The following CYB5A variants were observed in gnomAD, a reference collection of about 807,000 sequenced individuals.
CYB5A encodes cytochrome b5 type A, also known as cytochrome b5.
CYB5A carries 10 observed loss-of-function variants against 16.2 expected under a neutral mutation model. The observed-to-expected ratio is 0.62, with a 90% confidence interval of 0.38 to 1.04. The LOEUF (loss-of-function observed/expected upper bound fraction) is 1.04. CYB5A is among the 50% of genes least tolerant of loss of function. The probability of loss-of-function intolerance (pLI) is 0.01; values close to 1 mark genes in which losing one functional copy is unlikely to be tolerated. For synonymous variants in CYB5A, 62 were observed against 57.0 expected, an observed-to-expected ratio of 1.09 and a Z score of -0.40; for missense variants, 161 against 165.9, an observed-to-expected ratio of 0.97 and a Z score of 0.16.
chr18:74,270,014 C>G (rs1982609494), intron 1 of CYB5A, among the ~76,000 whole-genome samples: 1 of 152,110 alleles, frequency 6.6e-6, no homozygotes, highest in Non-Finnish European at 1.5e-5. Context: ...CTAACAGTAA[C>G]ACGTTCCCAC....
chr18:74,255,290 C>T (rs116708161), intron 4 of CYB5A, among the ~76,000 whole-genome samples: 1 of 152,086 alleles, frequency 6.6e-6, no homozygotes, highest in African/African-American at 2.4e-5. Context: ...ACAATTGAGT[C>T]GTGCTACACA....
intron 1 of CYB5A, among the ~76,000 whole-genome samples, chr18:74,288,580 A>G (rs1455359784): frequency 1.3e-5 from 2 of 152,252 alleles, no homozygotes; most frequent in East Asian, 3.8e-4. Flanking sequence ...AGACAGAGAC[A>G]TTCTGCACTC....
intron 1 of CYB5A, among the ~76,000 whole-genome samples, chr18:74,267,666 T>A (rs1326225455): frequency 1.3e-5 from 2 of 152,160 alleles, no homozygotes; most frequent in Non-Finnish European, 2.9e-5. Context: ...AGTAAACTTA[T>A]CTGATGATTA....
intron 1 of CYB5A, among the ~76,000 whole-genome samples, chr18:74,288,827 A>G (rs898294596): frequency 6.6e-6 from 1 of 152,220 alleles, no homozygotes; most frequent in African/African-American, 2.4e-5. Flanking sequence ...AATAAGCAAG[A>G]GATGGTCACA....
At chr18:74,289,619 T>C (rs1983450466) in intron 1 of CYB5A, among the ~76,000 whole-genome samples, 1 of 151,780 alleles carries the variant, frequency 6.6e-6, no homozygotes, top group Non-Finnish European at 1.5e-5. Flanking sequence ...CTATTAAAAA[T>C]ACAAAAATTA....
chr18:74,273,073 C>T (rs540581700), intron 1 of CYB5A, among the ~76,000 whole-genome samples: 10 of 152,142 alleles, frequency 6.6e-5, no homozygotes, highest in Non-Finnish European at 1.5e-4. Context: ...GAGGATTTAT[C>T]AAGGTCAACG....
chr18:74,274,429 A>T (rs1182004782), intron 1 of CYB5A, among the ~76,000 whole-genome samples: 1 of 152,262 alleles, frequency 6.6e-6, no homozygotes, highest in East Asian at 1.9e-4. Context: ...GCAAGATAAA[A>T]TAAATTTGAT....
intron 3 of CYB5A, chr18:74,258,023 C>T (rs1241636759): frequency 6.6e-6 from 1 of 152,208 alleles, no homozygotes; most frequent in Non-Finnish European, 1.5e-5. Context: ...CAAAGCCCAA[C>T]AAGCTTTTGT....
intron 1 of CYB5A, among the ~76,000 whole-genome samples, chr18:74,265,654 C>G (rs541928314): frequency 6.6e-6 from 1 of 152,350 alleles, no homozygotes; most frequent in African/African-American, 2.4e-5. Flanking sequence ...CTTTGGCTCT[C>G]AGTTCTGCAG....
At chr18:74,261,276 C>T (rs1019601501) in intron 2 of CYB5A, 1 of 347,244 alleles carries the variant, frequency 2.9e-6, no homozygotes, top group Non-Finnish European at 5.6e-6. Flanking sequence ...TTCTTCCCTT[C>T]TGTCCTCTCA....
At chr18:74,263,216 T>C in intron 2 of CYB5A, 133 bp downstream of exon 2, 1 of 1,113,110 alleles carries the variant, frequency 9.0e-7, no homozygotes, top group Non-Finnish European at 1.3e-6. Flanking sequence ...TAACAAAAAA[T>C]GGTGTCCTAA....
intron 1 of CYB5A, among the ~76,000 whole-genome samples, chr18:74,276,956 T>C (rs1160393735): frequency 2.0e-5 from 3 of 152,194 alleles, no homozygotes; most frequent in Non-Finnish European, 2.9e-5. Context: ...CTAAATGCAA[T>C]GCTAAGTGAC....
intron 1 of CYB5A, among the ~76,000 whole-genome samples, chr18:74,277,861 C>T (rs1982941450): frequency 6.6e-6 from 1 of 152,160 alleles, no homozygotes; most frequent in Non-Finnish European, 1.5e-5. Flanking sequence ...CAGGTGAGGG[C>T]TTGGGTCTCC....
chr18:74,276,806 G>A (rs956931453), intron 1 of CYB5A, among the ~76,000 whole-genome samples: 4 of 152,254 alleles, frequency 2.6e-5, no homozygotes, highest in South Asian at 4.2e-4. Flanking sequence ...CGTCTAAGTC[G>A]AGATGATTCC....
intron 1 of CYB5A, among the ~76,000 whole-genome samples, chr18:74,281,447 G>C (rs571282588): frequency 6.6e-6 from 1 of 152,200 alleles, no homozygotes; most frequent in Admixed American, 6.5e-5. Context: ...GGACAGAAGA[G>C]AAGTGGGAAA....
intron 3 of CYB5A, chr18:74,256,849 G>C (rs1370146283): frequency 1.9e-6 from 3 of 1,613,690 alleles, no homozygotes; most frequent in East Asian, 4.5e-5. Flanking sequence ...CCGCCTTTAA[G>C]GTTCCTGACA....
Position 74,275,961 on chromosome 18 carries a change from G to A in CYB5A, c.130-12484C>T, listed in dbSNP as rs143441331. 2.3e-3 allele frequency among the ~76,000 whole-genome samples: 356 copies of A among 152,222 alleles called. 1 individual carries two copies. The highest frequency in any genetic ancestry group is 8.0e-3 in the African/African-American group (333 of 41,522). Reference sequence around the variant, plus strand: ...GATACCCCAACACCAGCGCGGCACCGGGATCTGACCCAGCCCAGAGGCGTC... The same window carrying A: ...GATACCCCAACACCAGCGCGGCACCAGGATCTGACCCAGCCCAGAGGCGTC... On this transcript the variant is annotated intron_variant, in intron 1 of 4. Transcript: ENST00000340533.
At chr18:74,266,240 C>T (rs1169593281) in intron 1 of CYB5A, among the ~76,000 whole-genome samples, 1 of 152,180 alleles carries the variant, frequency 6.6e-6, no homozygotes, top group Non-Finnish European at 1.5e-5. Flanking sequence ...TAAGGTTGGA[C>T]ACTTCCACTC....
intron 1 of CYB5A, among the ~76,000 whole-genome samples, chr18:74,266,036 T>A (rs1046000708): frequency 1.3e-5 from 2 of 152,202 alleles, no homozygotes; most frequent in Non-Finnish European, 2.9e-5. Context: ...TGTATAGGCA[T>A]TCCCCAATTT....
Sources: allele counts gnomAD v4.1 joint callset (sites outside exome capture counted in the v4.1 genomes callset), GRCh38; gene constraint gnomAD v4.1.1; transcripts MANE v1.5; gene names NCBI Gene and HGNC (gene_info 2026-07-23, HGNC 2026-07-21).